Variants in BTBD3 observed in about 807,000 individuals in gnomAD.
BTBD3 encodes the protein BTB domain containing 3, also known as BTB/POZ domain-containing protein 3.
Under a neutral mutation model 41.6 loss-of-function variants are expected in BTBD3, and 14 were observed. The ratio of observed to expected loss-of-function variants is 0.34; its 90% CI spans 0.22 to 0.53. The LOEUF is 0.53. Ranked by LOEUF, BTBD3 falls within the 20% of genes least tolerant of loss-of-function variation. The pLI is 0.95. For synonymous variants in BTBD3, 249 were observed against 233.7 expected (o/e 1.07, Z -0.60); for missense variants, 426 against 654.7 (o/e 0.65, Z 3.81).
chr20:11,892,999 A>G (rs1404213887), intron 1 of BTBD3, among the ~76,000 whole-genome samples: 2 of 152,118 alleles, frequency 1.3e-5, no homozygotes, highest in African/African-American at 4.8e-5. Flanking sequence ...CAATTAGTCT[A>G]CACATTCTCC....
intron 3 of BTBD3, among the ~76,000 whole-genome samples, chr20:11,920,911 C>T (rs1363996858): frequency 6.6e-6 from 1 of 150,896 alleles, no homozygotes; most frequent in East Asian, 2.0e-4. Flanking sequence ...ATTCATTATT[C>T]ATCTTACAGT....
chr20:11,898,680 C>A (rs1219833596), intron 1 of BTBD3, among the ~76,000 whole-genome samples: 1 of 151,596 alleles, frequency 6.6e-6, no homozygotes, highest in Non-Finnish European at 1.5e-5. Context: ...ATTTTTTTTT[C>A]AGTGAATTTC....
At chr20:11,922,184 A>T (rs912123447) in intron 3 of BTBD3, among the ~76,000 whole-genome samples, 2 of 152,204 alleles carry the variant, frequency 1.3e-5, no homozygotes, top group African/African-American at 4.8e-5. Flanking sequence ...TATTAATCTC[A>T]GGTTTTATTT....
chr20:11,906,814 A>G (rs2056857752), intron 1 of BTBD3, among the ~76,000 whole-genome samples: 1 of 152,172 alleles, frequency 6.6e-6, no homozygotes, highest in Non-Finnish European at 1.5e-5. Context: ...CTATACACAC[A>G]AGCCTATTTT....
intron 1 of BTBD3, among the ~76,000 whole-genome samples, chr20:11,897,742 A>G: frequency 6.6e-6 from 1 of 151,996 alleles, no homozygotes; most frequent in African/African-American, 2.4e-5. Flanking sequence ...CTTCTCTTTG[A>G]TTTTCCATCT....
intron 1 of BTBD3, among the ~76,000 whole-genome samples, chr20:11,901,506 C>T (rs1288815297): frequency 1.3e-5 from 2 of 152,200 alleles, no homozygotes; most frequent in Non-Finnish European, 2.9e-5. Context: ...AAGATGATTT[C>T]AGCACCTACT....
rs115826449 is a variant in BTBD3 at position 11,897,851 on chromosome 20, T to C, written c.-126+6897T>C. ...CTCAGAATAAAGGCCAGTGTTCTTA[T>C]GATTCATAAAACCTTACATGATCTG... On this transcript the variant is annotated intron_variant, in intron 1 of 4. Transcript: ENST00000254977. 1.4e-3 allele frequency among the ~76,000 whole-genome samples: 214 copies of C among 152,326 alleles called. 3 individuals carry two copies. The highest frequency in any genetic ancestry group is 4.9e-3 in the African/African-American group (203 of 41,570).
At chr20:11,915,200 T>C (rs1426708511), upstream of BTBD3, among the ~76,000 whole-genome samples, 1 of 152,224 alleles carries the variant, frequency 6.6e-6, no homozygotes, top group Non-Finnish European at 1.5e-5. Flanking sequence ...AAATCATCAC[T>C]GTCATTATCT....
chr20:11,896,333 A>G (rs928705579), intron 1 of BTBD3, among the ~76,000 whole-genome samples: 5 of 152,042 alleles, frequency 3.3e-5, no homozygotes, highest in African/African-American at 1.2e-4. Context: ...ATTTTGGTGT[A>G]TTTATTTTAT....
intron 1 of BTBD3, among the ~76,000 whole-genome samples, chr20:11,896,443 T>C (rs947378732): frequency 2.6e-5 from 4 of 152,236 alleles, no homozygotes; most frequent in African/African-American, 9.6e-5. Context: ...TAAATAGTTA[T>C]GACTTTTATT....
intron 3 of BTBD3, among the ~76,000 whole-genome samples, chr20:11,920,297 C>A (rs2056958137): frequency 6.6e-6 from 1 of 152,134 alleles, no homozygotes; most frequent in Admixed American, 6.5e-5. Context: ...AAATGAAAAA[C>A]TTACCATCTG....
chr20:11,913,827 G>A (rs564639210), upstream of BTBD3, among the ~76,000 whole-genome samples: 20 of 152,296 alleles, frequency 1.3e-4, no homozygotes, highest in Admixed American at 5.9e-4. Flanking sequence ...ATCTAAGTGA[G>A]CTTAAATTCT....
chr20:11,914,183 T>C (rs1396881491), upstream of BTBD3, among the ~76,000 whole-genome samples: 1 of 152,198 alleles, frequency 6.6e-6, no homozygotes, highest in African/African-American at 2.4e-5. Context: ...GCTATCCTTT[T>C]TTACCCTTCA....
At chr20:11,900,532 C>G (rs1219278973) in intron 1 of BTBD3, among the ~76,000 whole-genome samples, 1 of 151,964 alleles carries the variant, frequency 6.6e-6, no homozygotes, top group African/African-American at 2.4e-5. Flanking sequence ...GTCTTGCCTA[C>G]CCATCACCAG....
rs986037971 is a variant in BTBD3 at position 11,919,249 on chromosome 20, T to C, written c.417+73T>C. 9.6e-6 allele frequency: 14 copies of C among 1,453,964 alleles called. No homozygotes were observed. In the East Asian group the frequency reaches 2.6e-4, roughly 27 times the overall value. The allele number at this position is 1,453,964 out of a possible 1,614,324, so 90.1% of individuals were successfully genotyped here. A position where few individuals can be genotyped will look rare whatever the true frequency, so the allele number is the denominator to read the frequency against. The stretch of plus-strand genomic sequence containing the variant: ...GGACCCTTTCCATAAGCCTGTAACT[T>C]GGTGTGGGCAGCTTGCCGATGTCAG... On this transcript the variant is annotated intron_variant, in intron 2 of 3. Transcript: ENST00000378226.
chr20:11,900,768 C>T (rs1006234743), intron 1 of BTBD3, among the ~76,000 whole-genome samples: 15 of 148,148 alleles, frequency 1.0e-4, no homozygotes, highest in Non-Finnish European at 1.5e-4. Flanking sequence ...AGTGCAGCGG[C>T]GACATCTCGA....
intron 1 of BTBD3, chr20:11,910,007 G>C (rs532671641): frequency 6.6e-6 from 1 of 152,292 alleles, no homozygotes; most frequent in South Asian, 2.1e-4. Context: ...GGGGAAATTT[G>C]GCTGTGATAC....
At chr20:11,911,491 T>G (rs1489955651) in intron 1 of BTBD3, among the ~76,000 whole-genome samples, 1 of 152,162 alleles carries the variant, frequency 6.6e-6, no homozygotes, top group South Asian at 2.1e-4. Flanking sequence ...ACCTTTTGGC[T>G]TCCCTGGGCC....
intron 1 of BTBD3, among the ~76,000 whole-genome samples, chr20:11,894,579 T>G (rs1007836936): frequency 1.3e-5 from 2 of 152,166 alleles, no homozygotes; most frequent in African/African-American, 2.4e-5. Context: ...AAGTGGTGAT[T>G]TAAAAAAATT....
Sources: allele counts gnomAD v4.1 joint callset (sites outside exome capture counted in the v4.1 genomes callset), GRCh38; gene constraint gnomAD v4.1.1; transcripts MANE v1.5; gene names NCBI Gene and HGNC (gene_info 2026-07-23, HGNC 2026-07-21).